Variants in SAMD8 observed in about 807,000 individuals in gnomAD.
SAMD8 encodes sterile alpha motif domain containing 8, also known as sphingomyelin synthase-related protein 1.
In SAMD8, 20 loss-of-function variants were observed where a neutral mutation model predicts 42.0. That is an observed-to-expected ratio of 0.48 (90% CI 0.34 to 0.69). The LOEUF (loss-of-function observed/expected upper bound fraction) is 0.69, where lower values mean the gene tolerates loss of function less well. Ranked by LOEUF, SAMD8 falls within the 30% of genes least tolerant of loss-of-function variation. The pLI, the probability that SAMD8 is intolerant of heterozygous loss-of-function variation, is 0.01. For synonymous variants in SAMD8, 162 were observed against 173.0 expected (o/e 0.94, Z 0.50); for missense variants, 328 against 511.6 (o/e 0.64, Z 3.46).
intron 2 of SAMD8, among the ~76,000 whole-genome samples, chr10:75,155,281 G>A (rs979085463): frequency 6.6e-6 from 1 of 152,088 alleles, no homozygotes; most frequent in Non-Finnish European, 1.5e-5. Flanking sequence ...GACTTGGAGG[G>A]AAAATTAAGG....
chr10:75,122,393 C>T lies in SAMD8; in HGVS notation c.-16+10671C>T, dbSNP rs1249291465. Among the ~76,000 whole-genome samples the T allele has an allele frequency of 2.0e-5, 3 of 151,812 alleles. No individual in the cohort carries two copies. In the East Asian group the frequency reaches 5.8e-4, roughly 29 times the overall value. ...TTGGGAGGCCGAGGCAGGCAGATCA[C>T]CTGAGGTCAGGCATTCGAGACCAGC... On this transcript the variant is annotated intron_variant, in intron 1 of 5. Transcript: ENST00000542569.
intron 1 of SAMD8, among the ~76,000 whole-genome samples, chr10:75,138,308 T>C (rs1839937074): frequency 6.6e-6 from 1 of 152,192 alleles, no homozygotes; most frequent in Non-Finnish European, 1.5e-5. Context: ...AGTGCTCCTT[T>C]TAGTCAGGTC....
chr10:75,128,706 A>G (rs1849202953), intron 1 of SAMD8, among the ~76,000 whole-genome samples: 1 of 152,180 alleles, frequency 6.6e-6, no homozygotes, highest in Non-Finnish European at 1.5e-5. Flanking sequence ...TGTGGTTACT[A>G]TGGGTGGTCG....
chr10:75,150,570 C>T lies in SAMD8; in HGVS notation c.42C>T (p.Thr14=), dbSNP rs1589960339. The T allele has an allele frequency of 1.2e-6, 2 of 1,614,060 alleles. No individual in the cohort carries two copies. Among genetic ancestry groups the T allele is most frequent in the Non-Finnish European group, 1.7e-6 (2 of 1,179,988 alleles). ...AACTCTGCATTCGCCGCTGGACTAC[C>T]AAGCATGTAGCTGTGTGGCTGAAGG... is the stretch of plus-strand genomic sequence containing the variant. ...PNQLCIRRWT[T]KHVAVWLKDE... The change falls in exon 2 of 6, where the codon ACC becomes ACT. Residue 14 remains threonine, a synonymous_variant. Coordinates refer to ENST00000542569, the MANE Select transcript of SAMD8 (RefSeq NM_001174156.2).
Position 75,173,377 on chromosome 10 carries a change from A to AT in SAMD8, c.793-2686dup, listed in dbSNP as rs762004536. Among the ~76,000 whole-genome samples the AT allele has an allele frequency of 3.3e-5, 5 of 152,322 alleles. No homozygotes were observed. In the South Asian group the frequency reaches 6.2e-4, roughly 19 times the overall value. On this transcript the variant is annotated intron_variant, in intron 4 of 5. Transcript: ENST00000542569. The stretch of plus-strand genomic sequence containing the variant: ...AACCAATAACATGCCTATTTTTGAA[A>AT]TTTAGAAACACTTAATGCATATTTC...
At chr10:75,132,666 CT>C (rs1411020563) in intron 1 of SAMD8, among the ~76,000 whole-genome samples, 1 of 149,962 alleles carries the variant, frequency 6.7e-6, no homozygotes, top group African/African-American at 2.5e-5. Context: ...CCTGTATACT[CT>C]TAAGACTGAA....
At chr10:75,127,523 C>A (rs146098789) in intron 1 of SAMD8, among the ~76,000 whole-genome samples, 1 of 152,118 alleles carries the variant, frequency 6.6e-6, no homozygotes, top group Non-Finnish European at 1.5e-5. Context: ...AAGTCAAACA[C>A]GTAGAACAGT....
intron 2 of SAMD8, among the ~76,000 whole-genome samples, chr10:75,156,885 T>C (rs1840422127): frequency 6.6e-6 from 1 of 152,050 alleles, no homozygotes; most frequent in South Asian, 2.1e-4. Flanking sequence ...ATTAGGAAAA[T>C]TGGAATATGG....
At chr10:75,131,425 C>T (rs146628412) in intron 1 of SAMD8, among the ~76,000 whole-genome samples, 2 of 151,938 alleles carry the variant, frequency 1.3e-5, no homozygotes, top group Non-Finnish European at 2.9e-5. Flanking sequence ...ACAGAACTGT[C>T]TGAAAAGAAA....
rs1840750612 is a variant in SAMD8 at position 75,168,618 on chromosome 10, C to T, written c.752C>T (p.Ser251Phe). The change falls in exon 4 of 6, where the codon TCC becomes TTC. Residue 251 changes from serine (S) to phenylalanine (F), a missense_variant. Coordinates refer to ENST00000542569, the MANE Select transcript of SAMD8 (RefSeq NM_001174156.2). ...CGCTGCTTTACCATGTTTGTGACCT[C>T]CCTCTCCGTGCCAGGACAACACCTG... ...LLRCFTMFVT[S>F]LSVPGQHLQC... is the part of the protein sequence containing the mutation. The T allele has an allele frequency of 6.2e-7, 1 of 1,613,728 alleles. No homozygotes were observed. Among genetic ancestry groups the T allele is most frequent in the African/African-American group, 1.3e-5 (1 of 74,906 alleles).
At position 75,147,186 on chromosome 10, in the gene SAMD8, A is replaced by G. The variant is rs531476159; in HGVS notation, c.-15-3328A>G. Among the ~76,000 whole-genome samples the G allele has an allele frequency of 7.9e-5, 12 of 152,352 alleles. No individual in the cohort carries two copies. In the East Asian group the frequency reaches 2.3e-3, roughly 29 times the overall value. ...AGAGAAGAATCATTTTGAACAGAGT[A>G]TGAGAGGAAACTGTCCTAACGAATA... On this transcript the variant is annotated intron_variant, in intron 1 of 5. Transcript: ENST00000542569.
At chr10:75,170,731 T>A (rs1241891388) in intron 4 of SAMD8, among the ~76,000 whole-genome samples, 1 of 151,404 alleles carries the variant, frequency 6.6e-6, no homozygotes, top group Non-Finnish European at 1.5e-5. Flanking sequence ...ACACAGACCA[T>A]TTTTAAGCAT....
rs1196715533 is a variant in SAMD8, at chr10:75,180,974, A to G, written c.*4282A>G. On this transcript the variant is annotated 3_prime_UTR_variant, in exon 6 of 6. Coordinates refer to ENST00000542569, the MANE Select transcript of SAMD8 (RefSeq NM_001174156.2). ...TCTAAATTGCCTAAGAATGTTAACC[A>G]CATTCTTGTTTTAAACTCTCTAATT... 6.6e-6 allele frequency: 1 copy of G among 152,200 alleles called. No individual in the cohort carries two copies. The highest frequency in any genetic ancestry group is 2.4e-5 in the African/African-American group (1 of 41,462). The allele number at this position is 152,200 out of a possible 1,614,324, so 9.4% of individuals were successfully genotyped here.
chr10:75,137,657 T>C (rs1839921961), intron 1 of SAMD8, among the ~76,000 whole-genome samples: 1 of 152,020 alleles, frequency 6.6e-6, no homozygotes, highest in Non-Finnish European at 1.5e-5. Context: ...ATGTGAAATA[T>C]CTAGAATAGG....
intron 4 of SAMD8, among the ~76,000 whole-genome samples, chr10:75,171,350 G>T (rs1052413687): frequency 6.6e-6 from 1 of 150,618 alleles, no homozygotes; most frequent in Non-Finnish European, 1.5e-5. Context: ...TGTATTTTTA[G>T]TAGAGACGGG....
chr10:75,158,615 C>T (rs970185458), intron 2 of SAMD8, among the ~76,000 whole-genome samples: 16 of 152,046 alleles, frequency 1.1e-4, no homozygotes, highest in Non-Finnish European at 1.9e-4. Context: ...ATAAAGTATA[C>T]AATTCAGTGG....
chr10:75,164,011 G>A (rs1212987463), intron 2 of SAMD8, among the ~76,000 whole-genome samples: 2 of 152,236 alleles, frequency 1.3e-5, no homozygotes, highest in East Asian at 3.9e-4. Context: ...TTGAGCTCAG[G>A]AGTTTGAGAC....
At position 75,106,305 on chromosome 10, in the gene SAMD8, C is replaced by A. The variant is rs577665114; in HGVS notation, c.-16+6577C>A. ...GCCTCATCTCAGATTGTCCCTCCCC[C>A]ACCTTCAGCTCGAGAAACATGGAGG... is the stretch of plus-strand genomic sequence containing the variant. On this transcript the variant is annotated intron_variant, in intron 1 of 3. Coordinates refer to the SAMD8 transcript ENST00000447533. Among the ~76,000 whole-genome samples, 6 of 152,050 alleles carry A rather than the reference C, an allele frequency of 3.9e-5. No homozygotes were observed. The South Asian group carries it at 6.2e-4, about 16-fold the overall frequency.
chr10:75,147,670 A>G (rs1463811460), intron 1 of SAMD8, among the ~76,000 whole-genome samples: 8 of 152,198 alleles, frequency 5.3e-5, no homozygotes, highest in Admixed American at 3.3e-4. Flanking sequence ...TTGCTATATC[A>G]TAACCACTAC....
Sources: allele counts gnomAD v4.1 joint callset (sites outside exome capture counted in the v4.1 genomes callset), GRCh38; gene constraint gnomAD v4.1.1; transcripts MANE v1.5; gene names NCBI Gene and HGNC (gene_info 2026-07-23, HGNC 2026-07-21).